PDE8A: variants seen among roughly 807,000 people sequenced by gnomAD.
PDE8A encodes the protein phosphodiesterase 8A, also known as high affinity cAMP-specific and IBMX-insensitive 3',5'-cyclic phosphodiesterase 8A.
Under a neutral mutation model 105.0 loss-of-function variants are expected in PDE8A, and 59 were observed. The observed-to-expected ratio is 0.56, with a 90% CI of 0.46 to 0.70. PDE8A has a LOEUF of 0.70. Ranked by LOEUF, PDE8A falls within the 30% of genes least tolerant of loss-of-function variation. PDE8A has a pLI of 0.00. For synonymous variants in PDE8A, 355 were observed against 371.9 expected, an observed-to-expected ratio of 0.95 and a Z score of 0.52; for missense variants, 1,014 against 1,045.9, an observed-to-expected ratio of 0.97 and a Z score of 0.42.
At chr15:85,126,463 T>C in intron 20 of PDE8A, 89 bp downstream of exon 20, 2 of 999,638 alleles carry the variant, frequency 2.0e-6, no homozygotes, top group Non-Finnish European at 2.7e-6. Context: ...CACTAGGAAA[T>C]AGGGTTCTAA....
intron 6 of PDE8A, among the ~76,000 whole-genome samples, chr15:85,084,125 T>C (rs765600172): frequency 6.6e-6 from 1 of 152,030 alleles, no homozygotes; most frequent in African/African-American, 2.4e-5. Context: ...GAAAAATTAA[T>C]ATAATTTTAT....
chr15:85,091,007 T>G, intron 7 of PDE8A, 37 bp from the exon 8 acceptor site: 1 of 1,572,150 alleles, frequency 6.4e-7, no homozygotes, highest in South Asian at 1.1e-5. Flanking sequence ...AAATGACTTT[T>G]AATTCACTTT....
intron 11 of PDE8A, among the ~76,000 whole-genome samples, chr15:85,106,197 G>A (rs968827467): frequency 2.6e-5 from 4 of 152,044 alleles, no homozygotes; most frequent in African/African-American, 7.2e-5. Flanking sequence ...TGCACAAGCA[G>A]TTTCCTCCTC....
chr15:85,066,916 G>A (rs958826854), intron 2 of PDE8A, 98 bp from the exon 3 acceptor site: 26 of 865,814 alleles, frequency 3.0e-5, no homozygotes, highest in Non-Finnish European at 4.5e-5. Context: ...TCCAGCCTGA[G>A]CAACAGAGCA....
At chr15:85,113,468 T>C in intron 13 of PDE8A, 21 bp downstream of exon 13, 2 of 1,597,842 alleles carry the variant, frequency 1.3e-6, no homozygotes, top group Non-Finnish European at 1.7e-6. Flanking sequence ...TTGTGGTCTG[T>C]CTCCATTGAG....
intron 9 of PDE8A, among the ~76,000 whole-genome samples, chr15:85,098,636 G>A (rs2081801500): frequency 6.6e-6 from 1 of 152,112 alleles, no homozygotes; most frequent in African/African-American, 2.4e-5. Context: ...CATATTCACA[G>A]GTTCTAAGAT....
chr15:84,993,616 G>T (rs947577548), intron 1 of PDE8A, among the ~76,000 whole-genome samples: 8 of 152,036 alleles, frequency 5.3e-5, no homozygotes, highest in African/African-American at 1.9e-4. Flanking sequence ...AGTGGCTCAT[G>T]CCTGTAAATC....
chr15:85,109,140 A>G lies in PDE8A; in HGVS notation c.1114+10A>G, dbSNP rs1405773117. Reference sequence around the variant, plus strand: ...TCCCGTGCAACTGAAGGTGAGTGACAAAGACAAGAGAAAAAAATGTGATCA... The same window carrying G: ...TCCCGTGCAACTGAAGGTGAGTGACGAAGACAAGAGAAAAAAATGTGATCA... On this transcript the variant is annotated intron_variant, in intron 12 of 21. Transcript: ENST00000394553. 5 of 1,593,376 alleles carry G rather than the reference A, an allele frequency of 3.1e-6. No individual in the cohort carries two copies. The highest frequency in any genetic ancestry group is 4.3e-6 in the Non-Finnish European group (5 of 1,161,802).
intron 1 of PDE8A, among the ~76,000 whole-genome samples, chr15:84,992,385 G>A (rs1480172085): frequency 6.6e-6 from 1 of 152,176 alleles, no homozygotes; most frequent in East Asian, 1.9e-4. Context: ...CGGGGGTTGG[G>A]TGCATGTTCC....
In PDE8A at chr15:85,118,742, T is replaced by C. The variant is rs1241329061; in HGVS notation, c.1734+903T>C. ...CTTCTGCCCTTGACCTGTTGCTCCC[T>C]TGACTGGGGCCTAAGATGACTGCAG... On this transcript the variant is annotated intron_variant, in intron 17 of 21. Coordinates refer to ENST00000394553, the MANE Select transcript of PDE8A (RefSeq NM_002605.3). Among the ~76,000 whole-genome samples, 3 of 152,228 alleles carry C rather than the reference T, an allele frequency of 2.0e-5. 1 individual carries two copies. Among genetic ancestry groups the C allele is most frequent in the African/African-American group, 7.2e-5 (3 of 41,454 alleles).
At chr15:85,051,219 T>A (rs2080967696) in intron 1 of PDE8A, among the ~76,000 whole-genome samples, 1 of 152,204 alleles carries the variant, frequency 6.6e-6, no homozygotes, top group Non-Finnish European at 1.5e-5. Flanking sequence ...GTGTGTGGAA[T>A]CTTTAGGGTT....
intron 9 of PDE8A, 26 bp downstream of exon 9, chr15:85,098,062 A>T (rs763277591): frequency 7.9e-7 from 1 of 1,262,748 alleles, no homozygotes; most frequent in African/African-American, 1.5e-5. Flanking sequence ...AAGTACATCA[A>T]TCAACATACA....
In PDE8A at chr15:85,137,873, G is replaced by A; in HGVS notation, c.2460G>A (p.Lys820=). 1.2e-6 allele frequency: 2 copies of A among 1,612,824 alleles called. No homozygotes were observed. Among genetic ancestry groups the A allele is most frequent in the African/African-American group, 1.3e-5 (1 of 75,030 alleles). ...FKYWKGLDEM[K]LRNLRPPPE ...ACTGGAAAGGACTGGACGAAATGAAGCTGCGGAACCTCCGACCACCTCCTG... is the reference window on the plus strand; with the variant it reads ...ACTGGAAAGGACTGGACGAAATGAAACTGCGGAACCTCCGACCACCTCCTG... The change falls in exon 22 of 22, where the codon AAG becomes AAA. Residue 820 remains lysine, a synonymous_variant. Coordinates refer to ENST00000394553, the MANE Select transcript of PDE8A (RefSeq NM_002605.3).
intron 5 of PDE8A, among the ~76,000 whole-genome samples, chr15:85,078,744 G>A (rs969306977): frequency 2.0e-5 from 3 of 152,106 alleles, no homozygotes; most frequent in African/African-American, 7.2e-5. Context: ...TGAATTCCAG[G>A]TGGAAGGTCT....
In PDE8A at chr15:85,120,949, T is replaced by C. The variant is rs992210826; in HGVS notation, c.1887T>C (p.His629=). The change falls in exon 18 of 22, where the codon CAT becomes CAC. Residue 629 remains histidine, a synonymous_variant. Transcript: ENST00000394553. ...ACACTGCTGTGCTGGAGAGCCACCA[T>C]GCGGCCTTGGCCTTCCAGCTGACCA... ...YNDTAVLESH[H]AALAFQLTTG... 3.7e-6 allele frequency: 6 copies of C among 1,614,058 alleles called. No homozygotes were observed. Among genetic ancestry groups the C allele is most frequent in the Non-Finnish European group, 5.1e-6 (6 of 1,180,014 alleles).
chr15:85,028,988 G>A (rs11858363), intron 1 of PDE8A, among the ~76,000 whole-genome samples: 9,000 of 152,118 alleles, frequency 0.059, 450 homozygotes, highest in African/African-American at 0.14. Context: ...GTAATCTGTC[G>A]AGAGAGAGAA....
At chr15:85,052,751 A>C (rs978017099) in intron 1 of PDE8A, among the ~76,000 whole-genome samples, 4 of 151,966 alleles carry the variant, frequency 2.6e-5, no homozygotes, top group African/African-American at 7.3e-5. Flanking sequence ...AGATTGTAAA[A>C]ATTTTCTCCC....
At chr15:84,994,503 T>C (rs1260078856) in intron 1 of PDE8A, among the ~76,000 whole-genome samples, 1 of 152,222 alleles carries the variant, frequency 6.6e-6, no homozygotes, top group African/African-American at 2.4e-5. Context: ...TTTAACATTT[T>C]ATGAAAAATC....
In PDE8A at chr15:85,113,364, C is replaced by T; in HGVS notation, c.1115-13C>T. 6.2e-7 allele frequency: 1 copy of T among 1,613,026 alleles called. No homozygotes were observed. Among genetic ancestry groups the T allele is most frequent in the Non-Finnish European group, 8.5e-7 (1 of 1,178,962 alleles). On this transcript the variant is annotated splice_polypyrimidine_tract_variant and intron_variant, in intron 12 of 21. Transcript: ENST00000394553. Reference sequence around the variant, plus strand: ...TTGTGCATGCCCTGATTTGTGCATCCCTTTCTCCACAGTTTCCAGCCAGAG... The same window carrying T: ...TTGTGCATGCCCTGATTTGTGCATCTCTTTCTCCACAGTTTCCAGCCAGAG...
Sources: allele counts gnomAD v4.1 joint callset (sites outside exome capture counted in the v4.1 genomes callset), GRCh38; gene constraint gnomAD v4.1.1; transcripts MANE v1.5; gene names NCBI Gene and HGNC (gene_info 2026-07-23, HGNC 2026-07-21).